The following PDE4B variants were observed in gnomAD, a reference collection of about 807,000 sequenced individuals.
PDE4B encodes phosphodiesterase 4B.
Under a neutral mutation model 82.2 loss-of-function variants are expected in PDE4B, and 20 were observed. The observed-to-expected ratio is 0.24, with a 90% CI of 0.17 to 0.35. The LOEUF is 0.35. PDE4B is among the 10% of genes least tolerant of loss of function. PDE4B has a pLI of 1.00. For synonymous variants in PDE4B, 320 were observed against 318.9 expected (o/e 1.00, Z -0.04); for missense variants, 655 against 907.2 (o/e 0.72, Z 3.57).
At chr1:66,346,266 G>A (rs1413422406) in intron 8 of PDE4B, among the ~76,000 whole-genome samples, 1 of 152,208 alleles carries the variant, frequency 6.6e-6, no homozygotes, top group Non-Finnish European at 1.5e-5. Context: ...TCTTAACTGT[G>A]AAAATCTGAG....
chr1:65,837,311 G>C (rs895684715), intron 1 of PDE4B, among the ~76,000 whole-genome samples: 1 of 152,108 alleles, frequency 6.6e-6, no homozygotes, highest in Non-Finnish European at 1.5e-5. Flanking sequence ...CTACCTACAG[G>C]CCGGGCACAG....
At chr1:66,129,732 C>T (rs544810498) in intron 3 of PDE4B, among the ~76,000 whole-genome samples, 33 of 146,628 alleles carry the variant, frequency 2.3e-4, no homozygotes, top group Non-Finnish European at 3.4e-4. Context: ...TGGGGAAAGA[C>T]ATATCTATTT....
At chr1:65,943,465 A>C (rs2100552120) in intron 3 of PDE4B, among the ~76,000 whole-genome samples, 1 of 152,036 alleles carries the variant, frequency 6.6e-6, no homozygotes, top group South Asian at 2.1e-4. Context: ...TTTGCTTAAG[A>C]TTGCTTTAGC....
chr1:65,999,983 A>G (rs1188483828), intron 3 of PDE4B, among the ~76,000 whole-genome samples: 1 of 152,144 alleles, frequency 6.6e-6, no homozygotes, highest in African/African-American at 2.4e-5. Context: ...CTTGCTTCCT[A>G]TATTGTATTC....
chr1:65,843,557 T>C (rs1646233582), intron 1 of PDE4B, among the ~76,000 whole-genome samples: 1 of 152,172 alleles, frequency 6.6e-6, no homozygotes. Context: ...GAATGTTCAT[T>C]GGTGTATATA....
In PDE4B at chr1:65,829,688, CT is replaced by C. The variant is rs1157435508; in HGVS notation, c.-71+36442del. On this transcript the variant is annotated intron_variant, in intron 1 of 16. Coordinates refer to ENST00000341517, the MANE Select transcript of PDE4B (RefSeq NM_002600.4). ...CAATATTTGAAAATGAAAAAATACT[CT>C]TCTAAATAAACTCAGGGTTTAACTA... 1.3e-5 allele frequency among the ~76,000 whole-genome samples: 2 copies of C among 152,018 alleles called. 1 individual carries two copies. Among genetic ancestry groups the C allele is most frequent in the Non-Finnish European group, 2.9e-5 (2 of 67,974 alleles).
rs187511479 is a variant in PDE4B at position 65,820,258 on chromosome 1, T to A, written c.-71+27010T>A. Among the ~76,000 whole-genome samples, 466 of 152,324 alleles carry A rather than the reference T, an allele frequency of 3.1e-3. 1 individual carries two copies. Among genetic ancestry groups the A allele is most frequent in the African/African-American group, 0.01 (436 of 41,580 alleles). On this transcript the variant is annotated intron_variant, in intron 1 of 16. Transcript: ENST00000341517. ...CTTAGAAATAGAGAAGGAAAGAACT[T>A]TAAAAATTGAAGAATGGATTTTATC...
chr1:66,318,828 A>G (rs1183237677), intron 7 of PDE4B, among the ~76,000 whole-genome samples: 3 of 152,222 alleles, frequency 2.0e-5, no homozygotes, highest in Non-Finnish European at 4.4e-5. Flanking sequence ...TGTATGTTAC[A>G]CTTACAGCAC....
chr1:66,219,556 G>C (rs546264821), intron 3 of PDE4B, among the ~76,000 whole-genome samples: 11 of 152,250 alleles, frequency 7.2e-5, no homozygotes, highest in African/African-American at 1.7e-4. Flanking sequence ...ATCCCTTCCT[G>C]TTGTTCCTGG....
chr1:66,365,699 C>A lies in PDE4B; in HGVS notation c.1317C>A (p.Ala439=). The A allele has an allele frequency of 6.2e-7, 1 of 1,609,548 alleles. No homozygotes were observed. Among genetic ancestry groups the A allele is most frequent in the Non-Finnish European group, 8.5e-7 (1 of 1,176,628 alleles). The change falls in exon 13 of 17, where the codon GCC becomes GCA. Residue 439 remains alanine (A), a synonymous_variant. Transcript: ENST00000341517. Reference sequence around the variant, plus strand: ...TCACAGATTTGGAGATCCTGGCTGCCATTTTTGCAGCTGCCATCCATGACG... The same window carrying A: ...TCACAGATTTGGAGATCCTGGCTGCAATTTTTGCAGCTGCCATCCATGACG... ...AVFTDLEILA[A]IFAAAIHDVD... is the part of the protein sequence containing the mutation.
chr1:66,282,165 GT>G (rs567646954), intron 7 of PDE4B, among the ~76,000 whole-genome samples: 17 of 151,016 alleles, frequency 1.1e-4, no homozygotes, highest in Non-Finnish European at 1.6e-4. Flanking sequence ...CATTTAATCT[GT>G]TTTTTTTTCC....
intron 7 of PDE4B, among the ~76,000 whole-genome samples, chr1:66,302,379 A>G (rs1657958569): frequency 6.6e-6 from 1 of 152,172 alleles, no homozygotes; most frequent in South Asian, 2.1e-4. Context: ...GCTTGGGAAA[A>G]TCTATAAACT....
chr1:66,303,224 C>A (rs1057258824), intron 7 of PDE4B, among the ~76,000 whole-genome samples: 1 of 152,094 alleles, frequency 6.6e-6, no homozygotes, highest in Non-Finnish European at 1.5e-5. Context: ...TTCCACATTG[C>A]CCTCAGGGCT....
intron 3 of PDE4B, among the ~76,000 whole-genome samples, chr1:66,197,386 C>T (rs772946377): frequency 6.6e-6 from 1 of 152,014 alleles, no homozygotes; most frequent in Non-Finnish European, 1.5e-5. Flanking sequence ...AACTAAAAGG[C>T]AAAATAACTT....
intron 7 of PDE4B, among the ~76,000 whole-genome samples, chr1:66,275,778 G>A (rs1212515826): frequency 2.0e-5 from 3 of 152,152 alleles, no homozygotes; most frequent in East Asian, 3.9e-4. Flanking sequence ...TCACCCAAGA[G>A]GAGGGAAACA....
At chr1:66,002,597 C>T (rs1651925788) in intron 3 of PDE4B, among the ~76,000 whole-genome samples, 1 of 151,690 alleles carries the variant, frequency 6.6e-6, no homozygotes, top group Non-Finnish European at 1.5e-5. Flanking sequence ...ATATATGAAA[C>T]ACTATATAAT....
intron 3 of PDE4B, among the ~76,000 whole-genome samples, chr1:66,189,448 T>G (rs1372116331): frequency 1.3e-4 from 20 of 152,252 alleles, no homozygotes; most frequent in Admixed American, 1.3e-3. Flanking sequence ...GGTTCCATTC[T>G]CCCTGTCACT....
At chr1:65,965,600 A>C (rs1649776522) in intron 3 of PDE4B, among the ~76,000 whole-genome samples, 1 of 152,208 alleles carries the variant, frequency 6.6e-6, no homozygotes, top group East Asian at 1.9e-4. Context: ...ATCTGATGGG[A>C]ACAAACCCAA....
chr1:66,275,966 G>A (rs1293047316), intron 7 of PDE4B, among the ~76,000 whole-genome samples: 2 of 152,134 alleles, frequency 1.3e-5, no homozygotes, highest in African/African-American at 4.8e-5. Flanking sequence ...GAGTAAGCTG[G>A]GACCATGGCG....
Sources: gnomAD v4.1 joint callset for allele counts (sites outside exome capture counted in the v4.1 genomes callset) on GRCh38, gnomAD v4.1.1 for gene constraint, MANE v1.5 for transcripts, NCBI Gene and HGNC (gene_info 2026-07-23, HGNC 2026-07-21) for gene names.